Variants in RPS6KC1 observed in about 807,000 individuals in gnomAD.
RPS6KC1 encodes the protein inactive ribosomal protein S6 kinase delta-1.
Under a neutral mutation model 103.8 loss-of-function variants are expected in RPS6KC1, and 54 were observed. The ratio of observed to expected loss-of-function variants is 0.52; its 90% confidence interval spans 0.42 to 0.65. RPS6KC1 has a LOEUF of 0.65. RPS6KC1 is among the 30% of genes least tolerant of loss of function. The probability of loss-of-function intolerance (pLI) is 0.00; values close to 1 mark genes in which losing one functional copy is unlikely to be tolerated. For synonymous variants in RPS6KC1, 439 were observed against 438.7 expected (o/e 1.00, Z -0.01); for missense variants, 1,151 against 1,253.8 (o/e 0.92, Z 1.24).
chr1:213,112,680 C>G (rs1403165968), intron 4 of RPS6KC1, among the ~76,000 whole-genome samples: 1 of 151,916 alleles, frequency 6.6e-6, no homozygotes, highest in Admixed American at 6.6e-5. Flanking sequence ...CGTCATCTAG[C>G]ATTAGGTATA....
At chr1:213,774,621 T>C in the RPS6KC1 span, among the ~76,000 whole-genome samples, 121,306 of 152,198 alleles carry the variant, frequency 0.8, 48,955 homozygotes, top group East Asian at 0.98. Flanking sequence ...ATGAACTCCA[T>C]TATGGCAGGC....
intron 3 of RPS6KC1, among the ~76,000 whole-genome samples, chr1:213,091,552 G>A (rs1445739988): frequency 2.0e-5 from 3 of 152,160 alleles, no homozygotes; most frequent in Admixed American, 6.5e-5. Flanking sequence ...ACCTGGGCAT[G>A]AGTTTGTAAC....
chr1:213,562,336 C>T, the RPS6KC1 span, among the ~76,000 whole-genome samples: 262 of 130,516 alleles, frequency 2.0e-3, 1 homozygote, highest in African/African-American at 7.6e-3. Flanking sequence ...TAATATATTC[C>T]GTAAAATTTC....
chr1:213,489,413 T>C, the RPS6KC1 span, among the ~76,000 whole-genome samples: 2 of 152,174 alleles, frequency 1.3e-5, no homozygotes, highest in Non-Finnish European at 2.9e-5. Flanking sequence ...TTAGGAATCA[T>C]GCAAGCTGGG....
At chr1:213,807,830 C>A in the RPS6KC1 span, among the ~76,000 whole-genome samples, 2 of 152,186 alleles carry the variant, frequency 1.3e-5, no homozygotes, top group Non-Finnish European at 2.9e-5. Flanking sequence ...GAACTGCGAT[C>A]CTTTGGAGGA....
intron 2 of RPS6KC1, among the ~76,000 whole-genome samples, chr1:213,072,239 A>T (rs906372326): frequency 2.6e-5 from 4 of 152,002 alleles, no homozygotes; most frequent in African/African-American, 9.7e-5. Flanking sequence ...ACCTGGCTTG[A>T]TTCATACATT....
chr1:213,066,411 T>G (rs2078337254), intron 1 of RPS6KC1, among the ~76,000 whole-genome samples: 1 of 152,244 alleles, frequency 6.6e-6, no homozygotes, highest in African/African-American at 2.4e-5. Context: ...CTAAATTTCC[T>G]CCTTCACTGT....
At chr1:213,346,359 T>A in the RPS6KC1 span, among the ~76,000 whole-genome samples, 1 of 150,756 alleles carries the variant, frequency 6.6e-6, no homozygotes, top group South Asian at 2.1e-4. Context: ...GGTAGAACAA[T>A]AAAAAAAAAT....
chr1:213,308,181 G>T, the RPS6KC1 span, among the ~76,000 whole-genome samples: 4 of 152,090 alleles, frequency 2.6e-5, no homozygotes, highest in African/African-American at 9.6e-5. Context: ...GGATGTGGTG[G>T]TGGGCACCTG....
chr1:213,662,553 C>G, the RPS6KC1 span, among the ~76,000 whole-genome samples: 1 of 151,334 alleles, frequency 6.6e-6, no homozygotes, highest in Non-Finnish European at 1.5e-5. Context: ...GTTGGGGTTA[C>G]AGGCGTGAGC....
At chr1:213,060,400 A>T (rs1173915391) in intron 1 of RPS6KC1, among the ~76,000 whole-genome samples, 1 of 152,186 alleles carries the variant, frequency 6.6e-6, no homozygotes, top group African/African-American at 2.4e-5. Context: ...AATCATAGGG[A>T]TAGGGAGGGC....
At chr1:213,511,465 A>C in the RPS6KC1 span, among the ~76,000 whole-genome samples, 7,913 of 152,260 alleles carry the variant, frequency 0.052, 337 homozygotes, top group African/African-American at 0.12. Context: ...GCCAACTTGT[A>C]AGTATCACTT....
chr1:213,766,994 C>T, the RPS6KC1 span, among the ~76,000 whole-genome samples: 1 of 152,118 alleles, frequency 6.6e-6, no homozygotes, highest in South Asian at 2.1e-4. Context: ...AGCTCCTCAG[C>T]TATCCAGTTC....
In RPS6KC1 at chr1:213,104,560, C is replaced by T. The variant is rs761410424; in HGVS notation, c.369C>T (p.Asp123=). 1 of 1,570,938 alleles carries T rather than the reference C, an allele frequency of 6.4e-7. No individual in the cohort carries two copies. The highest frequency in any genetic ancestry group is 1.1e-5 in the South Asian group (1 of 87,432). The change falls in exon 4 of 15, where the codon GAC becomes GAT. Residue 123 remains aspartate, a synonymous_variant. Coordinates refer to ENST00000366960, the MANE Select transcript of RPS6KC1 (RefSeq NM_012424.6). The stretch of plus-strand genomic sequence containing the variant: ...TTTACAATAGTAAACAGCTTGAAGA[C>T]TTTTTCAAGGTTTGGTAGTCTTTCT... ...PALYNSKQLE[D]FFKGGIINDS...
chr1:213,054,345 G>A (rs1185150910), intron 1 of RPS6KC1, among the ~76,000 whole-genome samples: 2 of 152,086 alleles, frequency 1.3e-5, no homozygotes, highest in African/African-American at 2.4e-5. Flanking sequence ...TATTGCTTAT[G>A]TTACAGATTT....
chr1:213,589,134 C>A, the RPS6KC1 span, among the ~76,000 whole-genome samples: 2 of 152,206 alleles, frequency 1.3e-5, no homozygotes, highest in African/African-American at 2.4e-5. Context: ...CTGAACCACA[C>A]TCCCATGCAC....
the RPS6KC1 span, among the ~76,000 whole-genome samples, chr1:213,403,837 A>G: frequency 7.1e-4 from 108 of 151,810 alleles, no homozygotes; most frequent in African/African-American, 2.5e-3. Flanking sequence ...GAAATAATCC[A>G]TGTATGGGTG....
chr1:213,479,225 G>T, the RPS6KC1 span, among the ~76,000 whole-genome samples: 10 of 151,980 alleles, frequency 6.6e-5, no homozygotes, highest in Non-Finnish European at 1.3e-4. Context: ...GTATGAGAGG[G>T]ATTCTGTAGT....
chr1:213,252,278 G>A (rs1055113500), intron 12 of RPS6KC1, among the ~76,000 whole-genome samples: 1 of 152,182 alleles, frequency 6.6e-6, no homozygotes, highest in Admixed American at 6.5e-5. Flanking sequence ...CAGTACTAAT[G>A]TTTCTGTGCC....
Sources: allele counts gnomAD v4.1 joint callset (sites outside exome capture counted in the v4.1 genomes callset), GRCh38; gene constraint gnomAD v4.1.1; transcripts MANE v1.5; gene names NCBI Gene and HGNC (gene_info 2026-07-23, HGNC 2026-07-21).